The following GABRB2 variants were observed in gnomAD, a reference collection of about 807,000 sequenced individuals.
The protein encoded by GABRB2 is gamma-aminobutyric acid receptor subunit beta-2.
Under a neutral mutation model 54.7 loss-of-function variants are expected in GABRB2, and 16 were observed. That is an observed-to-expected ratio of 0.29 (90% confidence interval 0.20 to 0.44). The LOEUF is 0.44. Among genes scored for constraint, GABRB2 ranks in the 20% least tolerant of loss-of-function variants. The pLI is 1.00. For synonymous variants in GABRB2, 244 were observed against 233.8 expected (o/e 1.04, Z -0.40); for missense variants, 355 against 644.0 (o/e 0.55, Z 4.86).
chr5:161,546,250 A>G (rs956462545), intron 2 of GABRB2, 72 bp downstream of exon 2: 16 of 1,215,894 alleles, frequency 1.3e-5, no homozygotes, highest in Admixed American at 1.7e-5. Context: ...AGGGAGAGGG[A>G]AGAGAGCGCG....
chr5:161,360,231 T>C (rs1239450788), intron 5 of GABRB2, among the ~76,000 whole-genome samples: 2 of 152,126 alleles, frequency 1.3e-5, no homozygotes, highest in African/African-American at 2.4e-5. Flanking sequence ...ACAATGGCTC[T>C]TTAGAAAAAA....
chr5:161,502,507 C>A (rs1759480234), intron 3 of GABRB2, among the ~76,000 whole-genome samples: 1 of 152,020 alleles, frequency 6.6e-6, no homozygotes, highest in Admixed American at 6.6e-5. Flanking sequence ...TGTTGCCACA[C>A]CTCATGTTTC....
chr5:161,386,063 A>G (rs983250126), intron 5 of GABRB2, among the ~76,000 whole-genome samples: 13 of 151,716 alleles, frequency 8.6e-5, no homozygotes, highest in African/African-American at 2.7e-4. Flanking sequence ...CAAGTTATTC[A>G]GCTAAATTGA....
intron 5 of GABRB2, among the ~76,000 whole-genome samples, chr5:161,402,778 G>C (rs992630362): frequency 5.9e-5 from 9 of 152,098 alleles, no homozygotes; most frequent in African/African-American, 2.2e-4. Flanking sequence ...CCTGGAGATG[G>C]GGCCCCAGCA....
At chr5:161,534,163 GC>G (rs1256784519) in intron 3 of GABRB2, among the ~76,000 whole-genome samples, 2 of 152,046 alleles carry the variant, frequency 1.3e-5, no homozygotes, top group South Asian at 2.1e-4. Context: ...AAACAATTTT[GC>G]CCCCCAGGGT....
intron 5 of GABRB2, among the ~76,000 whole-genome samples, chr5:161,395,071 A>G (rs1233205437): frequency 6.6e-6 from 1 of 152,142 alleles, no homozygotes; most frequent in Non-Finnish European, 1.5e-5. Flanking sequence ...ATTAAATAAT[A>G]TAACCCATCA....
intron 3 of GABRB2, among the ~76,000 whole-genome samples, chr5:161,471,106 T>G (rs1486663144): frequency 1.3e-5 from 2 of 152,004 alleles, no homozygotes; most frequent in Non-Finnish European, 2.9e-5. Context: ...CCCTCAGAGC[T>G]ACTGGTGATC....
chr5:161,353,572 G>A (rs1351718672), intron 5 of GABRB2, among the ~76,000 whole-genome samples: 1 of 151,956 alleles, frequency 6.6e-6, no homozygotes, highest in Non-Finnish European at 1.5e-5. Flanking sequence ...AGCTGTTACT[G>A]GCCTCCTGAA....
At chr5:161,306,512 G>T (rs1041769565) in intron 9 of GABRB2, among the ~76,000 whole-genome samples, 5 of 152,184 alleles carry the variant, frequency 3.3e-5, no homozygotes, top group African/African-American at 1.2e-4. Flanking sequence ...CCTTATGGCA[G>T]GACTCCCAGT....
At chr5:161,386,187 G>C (rs1755626305) in intron 5 of GABRB2, among the ~76,000 whole-genome samples, 1 of 152,018 alleles carries the variant, frequency 6.6e-6, no homozygotes, top group Non-Finnish European at 1.5e-5. Flanking sequence ...ATTTAAACCA[G>C]CAATATCTGC....
intron 9 of GABRB2, among the ~76,000 whole-genome samples, chr5:161,311,847 C>T (rs191410527): frequency 1.8e-4 from 27 of 152,214 alleles, no homozygotes; most frequent in African/African-American, 7.2e-5. Context: ...TGAAGAAGCA[C>T]GGGGCTAGAT....
intron 3 of GABRB2, among the ~76,000 whole-genome samples, chr5:161,501,960 A>G (rs1333855932): frequency 1.3e-5 from 2 of 148,618 alleles, no homozygotes; most frequent in African/African-American, 2.4e-5. Context: ...TAAAGTAAAT[A>G]TAATATAAAT....
At chr5:161,472,433 C>T (rs946023540) in intron 3 of GABRB2, among the ~76,000 whole-genome samples, 8 of 151,314 alleles carry the variant, frequency 5.3e-5, no homozygotes, top group Admixed American at 3.3e-4. Flanking sequence ...TACACGCACA[C>T]ACACACATGC....
At chr5:161,540,623 T>C (rs1760779963) in intron 3 of GABRB2, among the ~76,000 whole-genome samples, 1 of 152,126 alleles carries the variant, frequency 6.6e-6, no homozygotes, top group Non-Finnish European at 1.5e-5. Flanking sequence ...CTGCCTATGG[T>C]AACTATAGCC....
At chr5:161,401,459 TAGTG>T (rs1237759434) in intron 5 of GABRB2, among the ~76,000 whole-genome samples, 1 of 152,190 alleles carries the variant, frequency 6.6e-6, no homozygotes, top group Non-Finnish European at 1.5e-5. Flanking sequence ...ATTAATGTAA[TAGTG>T]AAACTTACAA....
chr5:161,514,239 T>C (rs1759866021), intron 3 of GABRB2, among the ~76,000 whole-genome samples: 1 of 152,074 alleles, frequency 6.6e-6, no homozygotes, highest in Non-Finnish European at 1.5e-5. Flanking sequence ...AGGCTTGCCC[T>C]CCCATTCTTC....
At chr5:161,511,463 C>T (rs1026779319) in intron 3 of GABRB2, among the ~76,000 whole-genome samples, 2 of 151,930 alleles carry the variant, frequency 1.3e-5, no homozygotes, top group South Asian at 4.1e-4. Context: ...AAGGCTTGTT[C>T]ATCACTCAAA....
At chr5:161,417,129 T>C (rs900482652) in intron 4 of GABRB2, among the ~76,000 whole-genome samples, 4 of 152,224 alleles carry the variant, frequency 2.6e-5, no homozygotes, top group African/African-American at 9.6e-5. Context: ...TTATTCTGTG[T>C]CTCACAACCA....
At chr5:161,412,421 C>T (rs926898151) in intron 4 of GABRB2, among the ~76,000 whole-genome samples, 3 of 151,978 alleles carry the variant, frequency 2.0e-5, no homozygotes, top group South Asian at 2.1e-4. Flanking sequence ...TCCACTGCCT[C>T]CCCTCTGAGT....
Sources: allele counts gnomAD v4.1 joint callset (sites outside exome capture counted in the v4.1 genomes callset), GRCh38; gene constraint gnomAD v4.1.1; transcripts MANE v1.5; gene names NCBI Gene and HGNC (gene_info 2026-07-23, HGNC 2026-07-21).